The following NKAIN1 variants were observed in gnomAD, a reference collection of about 807,000 sequenced individuals.
The protein encoded by NKAIN1 is sodium/potassium-transporting ATPase subunit beta-1-interacting protein 1.
Under a neutral mutation model 31.6 loss-of-function variants are expected in NKAIN1, and 13 were observed. The observed-to-expected ratio is 0.41, with a 90% CI of 0.27 to 0.65. NKAIN1 has a LOEUF of 0.65. Among genes scored for constraint, NKAIN1 ranks in the 30% least tolerant of loss-of-function variants. The pLI is 0.30. For missense variants in NKAIN1, 193 were observed against 262.2 expected, an observed-to-expected ratio of 0.74 and a Z score of 1.82; for synonymous variants, 104 against 109.0, an observed-to-expected ratio of 0.95 and a Z score of 0.28.
At chr1:31,205,133 G>A (rs1019463590) in intron 1 of NKAIN1, among the ~76,000 whole-genome samples, 1 of 151,544 alleles carries the variant, frequency 6.6e-6, no homozygotes, top group Non-Finnish European at 1.5e-5. Context: ...ATCACGGATT[G>A]GACAAGCAAT....
chr1:31,212,603 C>A (rs1457825089), intron 1 of NKAIN1, among the ~76,000 whole-genome samples: 2 of 152,068 alleles, frequency 1.3e-5, no homozygotes, highest in Non-Finnish European at 2.9e-5. Context: ...CAGGGTGTCA[C>A]CATGTTGCCC....
chr1:31,187,990 G>A, intron 2 of NKAIN1, 60 bp downstream of exon 2: 1 of 1,509,270 alleles, frequency 6.6e-7, no homozygotes, highest in Non-Finnish European at 8.9e-7. Context: ...AGCAGGGAGG[G>A]GTGGAGTGGG....
Position 31,181,847 on chromosome 1 carries a change from G to T in NKAIN1, c.614+13C>A. 1.2e-6 allele frequency: 2 copies of T among 1,601,386 alleles called. No homozygotes were observed. The highest frequency in any genetic ancestry group is 1.7e-6 in the Non-Finnish European group (2 of 1,174,794). On this transcript the variant is annotated intron_variant, in intron 6 of 6. Transcript: ENST00000373736. ...CCCAGGCCTCCCCAAGCCAGCAGGGGGCCGTGACCCACGTGTACAGAGGCT... is the reference window on the plus strand; with the variant it reads ...CCCAGGCCTCCCCAAGCCAGCAGGGTGCCGTGACCCACGTGTACAGAGGCT...
In NKAIN1 at chr1:31,180,043, G is replaced by T. The variant is rs1645185401; in HGVS notation, c.*1660C>A. 6.6e-6 allele frequency: 1 copy of T among 152,418 alleles called. No individual in the cohort carries two copies. The highest frequency in any genetic ancestry group is 1.5e-5 in the Non-Finnish European group (1 of 68,194). The allele number at this position is 152,418 out of a possible 1,614,324, so 9.4% of individuals were successfully genotyped here. A position where few individuals can be genotyped will look rare whatever the true frequency, so the allele number is the denominator to read the frequency against. On this transcript the variant is annotated 3_prime_UTR_variant, in exon 7 of 7. Transcript: ENST00000373736. ...CCCACCAGCTGGGAGCTCCATGCCTGTGGGGGCCAGAGGAACTCCTGGGCC... is the reference window on the plus strand; with the variant it reads ...CCCACCAGCTGGGAGCTCCATGCCTTTGGGGGCCAGAGGAACTCCTGGGCC...
chr1:31,182,417 G>A, intron 5 of NKAIN1, 113 bp downstream of exon 5: 1 of 1,170,802 alleles, frequency 8.5e-7, no homozygotes, highest in South Asian at 1.3e-5. Flanking sequence ...CCCTCGAAAG[G>A]GGCCCGTGGC....
At chr1:31,189,210 G>C (rs552380185) in intron 1 of NKAIN1, among the ~76,000 whole-genome samples, 1 of 151,908 alleles carries the variant, frequency 6.6e-6, no homozygotes, top group Admixed American at 6.6e-5. Context: ...AGATCACCCC[G>C]GGTCACTAGC....
At chr1:31,208,067 C>T (rs1645437753) in intron 1 of NKAIN1, among the ~76,000 whole-genome samples, 1 of 152,166 alleles carries the variant, frequency 6.6e-6, no homozygotes, top group Admixed American at 6.5e-5. Flanking sequence ...ACTCCCTGCA[C>T]TACTGGAACT....
chr1:31,214,182 G>A (rs1296638306), intron 1 of NKAIN1, among the ~76,000 whole-genome samples: 1 of 151,998 alleles, frequency 6.6e-6, no homozygotes, highest in African/African-American at 2.4e-5. Flanking sequence ...CAGTCACAAA[G>A]GATCACCTAC....
Position 31,183,765 on chromosome 1 carries a change from C to A in NKAIN1, c.471+52G>T, listed in dbSNP as rs546147427. On this transcript the variant is annotated intron_variant, in intron 4 of 6. Coordinates refer to ENST00000373736, the MANE Select transcript of NKAIN1 (RefSeq NM_024522.3). The stretch of plus-strand genomic sequence containing the variant: ...GCCCAACCCATCCCCTCAACCAGAG[C>A]TAAAGAAAGGGATCGGGAAGTGTGT... The A allele has an allele frequency of 3.9e-5, 61 of 1,554,240 alleles. 2 individuals are homozygous for A. The South Asian group carries it at 7.1e-4, about 18-fold the overall frequency.
chr1:31,225,448 C>T (rs977198755), intron 1 of NKAIN1, among the ~76,000 whole-genome samples: 8 of 150,860 alleles, frequency 5.3e-5, no homozygotes, highest in African/African-American at 2.0e-4. Flanking sequence ...ATTCTCATGC[C>T]TCACCCAGCT....
chr1:31,237,174 C>G (rs1484073463), intron 1 of NKAIN1, among the ~76,000 whole-genome samples: 2 of 152,154 alleles, frequency 1.3e-5, no homozygotes, highest in Non-Finnish European at 1.5e-5. Flanking sequence ...TTGTTTGAGC[C>G]TGGGAGGTCA....
chr1:31,218,028 C>CTTTCTTTCTT lies in NKAIN1; in HGVS notation c.54+21456_54+21465dup, dbSNP rs1435447635. Among the ~76,000 whole-genome samples, 134 of 92,310 alleles carry CTTTCTTTCTT rather than the reference C, an allele frequency of 1.5e-3. No individual in the cohort carries two copies. The South Asian group carries it at 0.019, about 13-fold the overall frequency. The allele number at this position is 92,310 out of a possible 152,430, so 60.6% of individuals were successfully genotyped here. ...ACAGCAGCTACCATTTTCTTTCTTT[C>CTTTCTTTCTT]TTTCTTTCTTTCTTTCTTTCTTTCT... On this transcript the variant is annotated intron_variant, in intron 1 of 6. Transcript: ENST00000373736.
intron 1 of NKAIN1, among the ~76,000 whole-genome samples, chr1:31,214,067 T>C (rs1348254016): frequency 6.6e-6 from 1 of 151,794 alleles, no homozygotes; most frequent in Admixed American, 6.6e-5. Context: ...TAAGAAGTGA[T>C]ATATCCATAC....
intron 1 of NKAIN1, among the ~76,000 whole-genome samples, chr1:31,203,393 G>A (rs1645399011): frequency 6.8e-6 from 1 of 146,856 alleles, no homozygotes; most frequent in South Asian, 2.2e-4. Context: ...ATGATGGAGT[G>A]TGGGAAGAGG....
Position 31,180,479 on chromosome 1 carries a change from ACTCCTT to A in NKAIN1, c.*1218_*1223del, listed in dbSNP as rs1645189161. ...TCACACCCCCATCTGCCCCTTCAGA[ACTCCTT>A]CTGGGCTTGTTAGAGGAGGCTTCTG... On this transcript the variant is annotated 3_prime_UTR_variant, in exon 7 of 7. Transcript: ENST00000373736. The A allele has an allele frequency of 6.6e-6, 1 of 152,040 alleles. No homozygotes were observed. The highest frequency in any genetic ancestry group is 2.4e-5 in the African/African-American group (1 of 41,336). 9.4% of individuals were successfully genotyped at this position (152,040 alleles called of 1,614,324 possible).
At chr1:31,185,052 G>T (rs1645232188) in intron 3 of NKAIN1, 195 bp downstream of exon 3, 2 of 585,166 alleles carry the variant, frequency 3.4e-6, no homozygotes, top group Admixed American at 2.9e-5. Context: ...AGCCTTATCT[G>T]CTCCATCATT....
chr1:31,227,000 T>C (rs1488356689), intron 1 of NKAIN1, among the ~76,000 whole-genome samples: 1 of 151,936 alleles, frequency 6.6e-6, no homozygotes, highest in East Asian at 1.9e-4. Flanking sequence ...AATTTTTGTA[T>C]TTTTAGTAGA....
At chr1:31,198,943 G>A (rs978963804) in intron 1 of NKAIN1, among the ~76,000 whole-genome samples, 2 of 152,230 alleles carry the variant, frequency 1.3e-5, no homozygotes, top group African/African-American at 4.8e-5. Context: ...CTGGCTGGGA[G>A]AGAAGGTAGC....
chr1:31,206,273 T>TAACAATAAATAAA (rs60976297), intron 1 of NKAIN1, among the ~76,000 whole-genome samples: 1 of 13,668 alleles, frequency 7.3e-5, no homozygotes, highest in Non-Finnish European at 3.8e-4. Flanking sequence ...ATAAATAAAC[T>TAACAATAAATAAA]CTCTGGTTTA....
Sources: allele counts gnomAD v4.1 joint callset (sites outside exome capture counted in the v4.1 genomes callset), GRCh38; gene constraint gnomAD v4.1.1; transcripts MANE v1.5; gene names NCBI Gene and HGNC (gene_info 2026-07-23, HGNC 2026-07-21).